FRMPD3: variants seen among roughly 807,000 people sequenced by gnomAD.
The protein encoded by FRMPD3 is FERM and PDZ domain containing 3, also known as FERM and PDZ domain-containing protein 3.
In FRMPD3, 42 loss-of-function variants were observed where a neutral mutation model predicts 97.9. That is an observed-to-expected ratio of 0.43 (90% CI 0.34 to 0.55). The LOEUF (loss-of-function observed/expected upper bound fraction) is 0.55, where lower values mean the gene tolerates loss of function less well. Among genes scored for constraint, FRMPD3 ranks in the 20% least tolerant of loss-of-function variants. The pLI is 0.03. For synonymous variants in FRMPD3, 577 were observed against 581.1 expected, an observed-to-expected ratio of 0.99 and a Z score of 0.10; for missense variants, 1,303 against 1,457.7, an observed-to-expected ratio of 0.89 and a Z score of 1.73.
intron 8 of FRMPD3, 153 bp downstream of exon 8, chrX:107,554,657 A>T: frequency 1.4e-6 from 1 of 729,300 alleles, no homozygotes; most frequent in Non-Finnish European, 2.0e-6. Context: ...ATCGTAGGCC[A>T]TGGCCAAGTT....
intron 1 of FRMPD3, among the ~76,000 whole-genome samples, chrX:107,450,371 T>A (rs765388974): frequency 9.0e-6 from 1 of 111,232 alleles, no homozygotes; most frequent in African/African-American, 3.3e-5. Context: ...GGGGCCTGGC[T>A]GCTAGGAGGT....
intron 4 of FRMPD3, among the ~76,000 whole-genome samples, chrX:107,536,501 G>A (rs1337104448): frequency 8.9e-6 from 1 of 111,913 alleles, no homozygotes; most frequent in Non-Finnish European, 1.9e-5. Context: ...ATTTTGTTCC[G>A]TTTTATTGCT....
chrX:107,557,416 CT>C (rs939453494), intron 8 of FRMPD3, among the ~76,000 whole-genome samples: 7 of 109,931 alleles, frequency 6.4e-5, no homozygotes, highest in African/African-American at 2.3e-4. Context: ...TGTAGCTTTC[CT>C]TTTCAGTCTC....
In FRMPD3 at chrX:107,516,936, C is replaced by T; in HGVS notation, c.-7-9646C>T. 2.7e-5 allele frequency among the ~76,000 whole-genome samples: 3 copies of T among 111,798 alleles called. 1 individual carries two copies. In the Admixed American group the frequency reaches 2.8e-4, roughly 11 times the overall value. On this transcript the variant is annotated intron_variant, in intron 1 of 14. Transcript: ENST00000683843. ...TTGCCATTGCTTTTGGTGTTTTAGA[C>T]ATGAAGTTTTTGTCTATGCCTATGT...
At chrX:107,552,708 T>C in intron 6 of FRMPD3, 87 bp from the exon 7 acceptor site, 1 of 1,015,822 alleles carries the variant, frequency 9.8e-7, no homozygotes, top group Admixed American at 2.8e-5. Context: ...CTTTTCTTGG[T>C]GTTTAATCCC....
intron 2 of FRMPD3, 49 bp downstream of exon 2, chrX:107,526,785 C>A (rs764922774): frequency 2.8e-6 from 3 of 1,081,275 alleles, no homozygotes; most frequent in Non-Finnish European, 3.7e-6. Context: ...TGTCTCCCAA[C>A]ACCCACATAT....
At chrX:107,538,447 C>T (rs1921105675) in intron 4 of FRMPD3, among the ~76,000 whole-genome samples, 1 of 104,092 alleles carries the variant, frequency 9.6e-6, no homozygotes, top group African/African-American at 3.5e-5. Flanking sequence ...CTACCTATTA[C>T]AGAACTCTTG....
intron 1 of FRMPD3, among the ~76,000 whole-genome samples, chrX:107,469,366 C>T (rs1251929121): frequency 1.8e-5 from 2 of 111,518 alleles, no homozygotes; most frequent in Admixed American, 9.5e-5. Flanking sequence ...TTAAAACCAT[C>T]GGATCTCATG....
At chrX:107,514,938 C>T (rs1391741723) in intron 1 of FRMPD3, among the ~76,000 whole-genome samples, 5 of 111,262 alleles carry the variant, frequency 4.5e-5, no homozygotes, top group African/African-American at 9.8e-5. Context: ...AGGTTTCTGG[C>T]TTAAGTAATT....
intron 13 of FRMPD3, among the ~76,000 whole-genome samples, chrX:107,583,954 C>T (rs192503396): frequency 3.4e-4 from 36 of 106,819 alleles, no homozygotes; most frequent in African/African-American, 9.9e-4. Context: ...CTGCAACCTC[C>T]GCCTCCTGAG....
chrX:107,512,190 G>A (rs1242070807), intron 1 of FRMPD3, among the ~76,000 whole-genome samples: 3 of 110,449 alleles, frequency 2.7e-5, no homozygotes, highest in African/African-American at 9.9e-5. Context: ...ATCCCCATCT[G>A]TGAGATGGGG....
At position 107,600,398 on chromosome X, in the gene FRMPD3, T is replaced by G. The variant is rs1219797631; in HGVS notation, c.2359T>G (p.Ser787Ala). 2.5e-6 allele frequency: 3 copies of G among 1,210,936 alleles called. No homozygotes were observed. In the Admixed American group the frequency reaches 6.5e-5, roughly 26 times the overall value. Residue 787 changes from serine to alanine, a missense_variant, in exon 15 of 15, where the codon TCG becomes GCG. Transcript: ENST00000683843. The stretch of plus-strand genomic sequence containing the variant: ...GCTCACAGACATGTCAGAGATGATG[T>G]CGGCCATGAAGCAGCACCAGAACAC... Reference protein sequence around the residue: ...SELTDMSEMMSAMKQHQNTTY... With the variant: ...SELTDMSEMMAAMKQHQNTTY...
At chrX:107,478,293 T>C (rs1217599590) in intron 1 of FRMPD3, among the ~76,000 whole-genome samples, 1 of 112,185 alleles carries the variant, frequency 8.9e-6, no homozygotes, top group Non-Finnish European at 1.9e-5. Context: ...GTTGTGTCTC[T>C]ATGATCATAT....
At chrX:107,498,286 G>A (rs931332669) in intron 1 of FRMPD3, among the ~76,000 whole-genome samples, 11 of 112,305 alleles carry the variant, frequency 9.8e-5, no homozygotes, top group African/African-American at 3.6e-4. Flanking sequence ...ATAGGAGATG[G>A]TGACCAGGAC....
At chrX:107,454,471 C>T (rs1240348045) in intron 1 of FRMPD3, among the ~76,000 whole-genome samples, 1 of 111,163 alleles carries the variant, frequency 9.0e-6, no homozygotes, top group East Asian at 2.8e-4. Context: ...ACTCACTCTT[C>T]TCACCTTTCT....
At chrX:107,539,887 T>C (rs1921212331) in intron 4 of FRMPD3, among the ~76,000 whole-genome samples, 1 of 110,286 alleles carries the variant, frequency 9.1e-6, no homozygotes, top group Non-Finnish European at 1.9e-5. Flanking sequence ...AGAAGGGGAA[T>C]TGAGGAGTTG....
chrX:107,450,197 C>T (rs1264280485), intron 1 of FRMPD3, among the ~76,000 whole-genome samples, 192 bp downstream of exon 1: 2 of 111,013 alleles, frequency 1.8e-5, no homozygotes, highest in East Asian at 5.8e-4. Flanking sequence ...GGTAACGGCC[C>T]GTTGCGTGCC....
chrX:107,552,742 A>G, intron 6 of FRMPD3, 53 bp from the exon 7 acceptor site: 1 of 1,176,680 alleles, frequency 8.5e-7, no homozygotes, highest in Non-Finnish European at 1.1e-6. Context: ...GATGCTTAGA[A>G]TAGCTTAGGG....
intron 1 of FRMPD3, among the ~76,000 whole-genome samples, chrX:107,492,789 C>A (rs1294161152): frequency 1.8e-5 from 2 of 111,855 alleles, no homozygotes; most frequent in Non-Finnish European, 3.8e-5. Context: ...CCATGGATCC[C>A]TCTTATGAAG....
Sources: allele counts gnomAD v4.1 joint callset (sites outside exome capture counted in the v4.1 genomes callset), GRCh38; gene constraint gnomAD v4.1.1; transcripts MANE v1.5; gene names NCBI Gene and HGNC (gene_info 2026-07-23, HGNC 2026-07-21).